The following MICAL3 variants were observed in gnomAD, a reference collection of about 807,000 sequenced individuals.
MICAL3 encodes [F-actin]-monooxygenase MICAL3.
Under a neutral mutation model 207.4 loss-of-function variants are expected in MICAL3, and 62 were observed. The observed-to-expected ratio is 0.30, with a 90% CI of 0.24 to 0.37. MICAL3 has a LOEUF of 0.37. Among genes scored for constraint, MICAL3 ranks in the 10% least tolerant of loss-of-function variants. The pLI, the probability that MICAL3 is intolerant of heterozygous loss-of-function variation, is 1.00. For synonymous variants in MICAL3, 1,077 were observed against 1,069.3 expected (o/e 1.01, Z -0.14); for missense variants, 2,368 against 2,635.6 (o/e 0.90, Z 2.22).
chr22:17,803,914 TC>T, intron 29 of MICAL3: 1 of 827,386 alleles, frequency 1.2e-6, no homozygotes, highest in Non-Finnish European at 1.5e-6. Context: ...AGTCCTCCTG[TC>T]CCCCCATACC....
At chr22:17,911,600 A>G (rs910928660) in intron 1 of MICAL3, among the ~76,000 whole-genome samples, 46 of 152,178 alleles carry the variant, frequency 3.0e-4, no homozygotes, top group Non-Finnish European at 8.8e-5. Flanking sequence ...TAGGAGGCCA[A>G]GGTAGGAAGA....
intron 1 of MICAL3, among the ~76,000 whole-genome samples, chr22:17,977,097 C>T (rs552140077): frequency 5.9e-5 from 9 of 152,066 alleles, no homozygotes; most frequent in Admixed American, 1.3e-4. Flanking sequence ...CCACCACGCC[C>T]GGCAGAGACT....
rs956266721 is a variant in MICAL3, at chr22:17,998,567, T to A, written c.-75+25714A>T. 9.8e-4 allele frequency among the ~76,000 whole-genome samples: 148 copies of A among 150,690 alleles called. 1 individual carries two copies. Among genetic ancestry groups the A allele is most frequent in the African/African-American group, 3.3e-3 (135 of 41,176 alleles). On this transcript the variant is annotated intron_variant, in intron 1 of 31. Transcript: ENST00000441493. Reference sequence around the variant, plus strand: ...ATAATAATTATTATTATTATTATTTTTTTTTTGAGATGAAGTCTCGCTCTG... The same window carrying A: ...ATAATAATTATTATTATTATTATTTATTTTTTGAGATGAAGTCTCGCTCTG...
intron 1 of MICAL3, among the ~76,000 whole-genome samples, chr22:17,979,709 T>C (rs936459688): frequency 6.6e-6 from 1 of 151,666 alleles, no homozygotes. Flanking sequence ...ACACCACCAA[T>C]CAGGCTGATC....
At chr22:17,888,695 G>T (rs117083240) in intron 13 of MICAL3, among the ~76,000 whole-genome samples, 2,790 of 152,300 alleles carry the variant, frequency 0.018, 40 homozygotes, top group Non-Finnish European at 0.028. Context: ...TTTGGGCCGT[G>T]CAGAAGCAGA....
chr22:17,968,623 C>T (rs1336243071), intron 1 of MICAL3, among the ~76,000 whole-genome samples: 5 of 152,040 alleles, frequency 3.3e-5, no homozygotes, highest in Admixed American at 2.6e-4. Flanking sequence ...CAACTGAGAG[C>T]CGATACTCAA....
chr22:18,014,820 C>T (rs1923952156), intron 1 of MICAL3, among the ~76,000 whole-genome samples: 1 of 151,880 alleles, frequency 6.6e-6, no homozygotes, highest in South Asian at 2.1e-4. Flanking sequence ...GGTGAAACCC[C>T]ATCTCTACTA....
chr22:17,818,375 C>A lies in MICAL3; in HGVS notation c.4286G>T (p.Gly1429Val), dbSNP rs202061019. The A allele has an allele frequency of 5.0e-6, 8 of 1,605,198 alleles. No individual in the cohort carries two copies. Among genetic ancestry groups the A allele is most frequent in the Non-Finnish European group, 6.8e-6 (8 of 1,177,824 alleles). ...RRELSSSSGL[G>V]LHGSSSNMKT... ...CATGTTGGAGGAGCTCCCGTGCAGG[C>A]CCAGGCCAGAGCTGCTGGACAGCTC... The change falls in exon 26 of 32, where the codon GGC becomes GTC. Residue 1429 changes from glycine (G) to valine (V), a missense_variant. Around this residue, in one of 4 missense-constraint regions of MICAL3, gnomAD observed 1,770 missense variants for 1,863.2 expected, o/e 0.95. Coordinates refer to ENST00000441493, the MANE Select transcript of MICAL3 (RefSeq NM_015241.3).
At chr22:17,992,703 G>A (rs1174368001) in intron 1 of MICAL3, among the ~76,000 whole-genome samples, 3 of 152,116 alleles carry the variant, frequency 2.0e-5, no homozygotes, top group African/African-American at 7.2e-5. Context: ...ACTAAACCCG[G>A]AGGCCGCCAA....
chr22:17,905,809 A>G (rs1289266462), intron 2 of MICAL3, among the ~76,000 whole-genome samples: 2 of 152,218 alleles, frequency 1.3e-5, no homozygotes, highest in Non-Finnish European at 2.9e-5. Flanking sequence ...AGGCAAGTGC[A>G]TAACTCAGGT....
chr22:17,820,733 C>T (rs1470193379), intron 25 of MICAL3, among the ~76,000 whole-genome samples: 4 of 151,382 alleles, frequency 2.6e-5, no homozygotes, highest in Admixed American at 2.0e-4. Context: ...ACCAACCATC[C>T]CATCGATATT....
chr22:17,840,637 T>G (rs1205207644), intron 20 of MICAL3: 1 of 152,180 alleles, frequency 6.6e-6, no homozygotes, highest in Non-Finnish European at 1.5e-5. Context: ...CAGCCCAAGG[T>G]CAAGCCAGTA....
At chr22:17,982,255 G>A (rs1368373898) in intron 1 of MICAL3, among the ~76,000 whole-genome samples, 1 of 152,240 alleles carries the variant, frequency 6.6e-6, no homozygotes, top group Non-Finnish European at 1.5e-5. Context: ...CACTCCTGAA[G>A]TCTGTGCTCC....
At position 18,005,201 on chromosome 22, in the gene MICAL3, C is replaced by T. The variant is rs1309207967; in HGVS notation, c.-75+19080G>A. ...CCACCTGCCTCGACTTCCTAAAGTG[C>T]TGGGGTTACAGGCGTGAGCCACTAC... On this transcript the variant is annotated intron_variant, in intron 1 of 31. Transcript: ENST00000441493. 4 of 152,202 alleles carry T rather than the reference C, an allele frequency of 2.6e-5. No individual in the cohort carries two copies. In the East Asian group the frequency reaches 5.8e-4, roughly 22 times the overall value. The allele number at this position is 152,202 out of a possible 1,614,324, so 9.4% of individuals were successfully genotyped here. A position where few individuals can be genotyped will look rare whatever the true frequency, so the allele number is the denominator to read the frequency against.
intron 7 of MICAL3, among the ~76,000 whole-genome samples, chr22:17,899,005 C>G (rs943722313): frequency 1.3e-5 from 2 of 152,214 alleles, no homozygotes; most frequent in African/African-American, 4.8e-5. Flanking sequence ...GTTGCTCCCC[C>G]TCCCAAAAGA....
chr22:17,990,437 G>A (rs963598328), intron 1 of MICAL3, among the ~76,000 whole-genome samples: 2 of 152,214 alleles, frequency 1.3e-5, no homozygotes, highest in African/African-American at 2.4e-5. Flanking sequence ...ACCAGCTGAT[G>A]CGTGGGGTGC....
chr22:17,974,095 G>A (rs2146417690), intron 1 of MICAL3, among the ~76,000 whole-genome samples: 1 of 152,228 alleles, frequency 6.6e-6, no homozygotes, highest in Admixed American at 6.5e-5. Context: ...CCAGGCTCAG[G>A]GCAAAGAATG....
In MICAL3 at chr22:17,817,534, C is replaced by T. The variant is rs1376551903; in HGVS notation, c.5127G>A (p.Lys1709=). 6.2e-7 allele frequency: 1 copy of T among 1,613,596 alleles called. No homozygotes were observed. The highest frequency in any genetic ancestry group is 8.5e-7 in the Non-Finnish European group (1 of 1,179,814). ...RSSLFSPRRN[K]KEKKSKGEGR... ...CCTCGCCTTTGGACTTCTTCTCCTT[C>T]TTGTTTCTGCGGGGGGAGAAGAGTG... The change falls in exon 26 of 32, where the codon AAG becomes AAA. Residue 1709 remains lysine, a synonymous_variant. Transcript: ENST00000441493.
intron 1 of MICAL3, among the ~76,000 whole-genome samples, chr22:17,953,920 G>T (rs1477697564): frequency 1.2e-5 from 1 of 84,806 alleles, no homozygotes; most frequent in Non-Finnish European, 2.3e-5. Context: ...GACAGAGTAA[G>T]ACTCCATCTC....
Sources: allele counts gnomAD v4.1 joint callset (sites outside exome capture counted in the v4.1 genomes callset), GRCh38; gene constraint gnomAD v4.1.1; regional missense constraint gnomAD v4.1.1; transcripts MANE v1.5; gene names NCBI Gene and HGNC (gene_info 2026-07-23, HGNC 2026-07-21).